CCDC12: variants seen among roughly 807,000 people sequenced by gnomAD.
The protein encoded by CCDC12 is coiled-coil domain-containing protein 12.
CCDC12 carries 28 observed loss-of-function variants against 25.7 expected under a neutral mutation model. The ratio of observed to expected loss-of-function variants is 1.09; its 90% confidence interval spans 0.81 to 1.50. The LOEUF (loss-of-function observed/expected upper bound fraction) is 1.50, where lower values mean the gene tolerates loss of function less well. CCDC12 is among the 40% of genes most tolerant of loss of function. The pLI is 0.00. For missense variants in CCDC12, 198 were observed against 210.0 expected (o/e 0.94, Z 0.35); for synonymous variants, 75 against 87.7 (o/e 0.86, Z 0.81).
At chr3:46,940,905 C>A (rs2033673727) in intron 2 of CCDC12, 93 bp downstream of exon 2, 42 of 1,201,756 alleles carry the variant, frequency 3.5e-5, no homozygotes, top group Non-Finnish European at 5.1e-5. Flanking sequence ...GGGAACAGGG[C>A]AGACACTGAA....
intron 2 of CCDC12, among the ~76,000 whole-genome samples, chr3:46,934,569 T>C (rs2033366033): frequency 6.6e-6 from 1 of 152,120 alleles, no homozygotes; most frequent in East Asian, 1.9e-4. Context: ...ATACAAGATA[T>C]CAAGACTTAA....
chr3:46,966,900 T>G (rs1003460369), intron 1 of CCDC12, among the ~76,000 whole-genome samples: 8 of 151,962 alleles, frequency 5.3e-5, no homozygotes, highest in African/African-American at 1.9e-4. Flanking sequence ...CTGGCTTCTC[T>G]CAGCCCCACT....
chr3:46,980,937 A>T (rs1285379738), upstream of CCDC12, among the ~76,000 whole-genome samples: 1 of 152,174 alleles, frequency 6.6e-6, no homozygotes, highest in Non-Finnish European at 1.5e-5. Flanking sequence ...AGTGGGGGGA[A>T]TTCATGCTCA....
intron 2 of CCDC12, among the ~76,000 whole-genome samples, chr3:46,936,936 G>C (rs555568138): frequency 6.6e-6 from 1 of 152,176 alleles, no homozygotes; most frequent in African/African-American, 2.4e-5. Context: ...CGTGTGGGAT[G>C]GAATGACTCA....
intron 1 of CCDC12, among the ~76,000 whole-genome samples, chr3:46,962,434 CAA>C (rs33969115): frequency 4.7e-5 from 3 of 63,180 alleles, no homozygotes; most frequent in African/African-American, 1.3e-4. Flanking sequence ...AACTCTATCT[CAA>C]AAAAAAAAAA....
chr3:46,938,518 G>GTTTTT (rs66474878), intron 2 of CCDC12, among the ~76,000 whole-genome samples: 80 of 91,416 alleles, frequency 8.8e-4, no homozygotes, highest in East Asian at 2.2e-3. Flanking sequence ...TTCCCCTCCT[G>GTTTTT]TTTTTTTTTT....
At chr3:46,972,621 G>A (rs2034837453) in intron 1 of CCDC12, among the ~76,000 whole-genome samples, 1 of 151,876 alleles carries the variant, frequency 6.6e-6, no homozygotes, top group Non-Finnish European at 1.5e-5. Flanking sequence ...CCATTAGGAA[G>A]GTTATAATTA....
chr3:46,932,104 G>A (rs904748085), intron 2 of CCDC12, among the ~76,000 whole-genome samples: 44 of 152,290 alleles, frequency 2.9e-4, no homozygotes, highest in Non-Finnish European at 5.7e-4. Context: ...TCTAGAGGCT[G>A]ATCTGGTCTT....
chr3:46,978,118 C>T (rs1377134924), upstream of CCDC12, among the ~76,000 whole-genome samples: 1 of 152,188 alleles, frequency 6.6e-6, no homozygotes, highest in Non-Finnish European at 1.5e-5. Flanking sequence ...ATCCACTCTT[C>T]CCCTTCCAAC....
rs758416981 is a variant in CCDC12 at position 46,976,656 on chromosome 3, C to G, written c.77G>C (p.Arg26Pro). ...LRRKERLKAL[R>P]EKTGRKDKED... The stretch of plus-strand genomic sequence containing the variant: ...TCTCACCTTGCGCCCGGTTTTCTCC[C>G]GTAGGGCCTTCAGCCGTTCCTTTCG... Residue 26 changes from arginine to proline, a missense_variant, in exon 1 of 7, where the codon CGG becomes CCG. Arg to Pro is a moderately radical substitution (Grantham distance 103). Transcript: ENST00000683445. 1.2e-5 allele frequency: 19 copies of G among 1,611,086 alleles called. No individual in the cohort carries two copies. Among genetic ancestry groups the G allele is most frequent in the South Asian group, 5.5e-5 (5 of 90,434 alleles).
intron 1 of CCDC12, among the ~76,000 whole-genome samples, chr3:46,969,128 G>C (rs2034724281): frequency 6.6e-6 from 1 of 152,184 alleles, no homozygotes; most frequent in South Asian, 2.1e-4. Context: ...TCCTCACCCA[G>C]CATACTAGGC....
In CCDC12 at chr3:46,930,031, CAAAAAAAAAAAAAAAAA is replaced by C. The variant is rs145507739; in HGVS notation, c.165-4513_165-4497del. On this transcript the variant is annotated intron_variant, in intron 2 of 6. Coordinates refer to ENST00000683445, the MANE Select transcript of CCDC12 (RefSeq NM_001277074.2). ...GGGCGAGAACAGCAAGACCCCATCTCAAAAAAAAAAAAAAAAAAAAAAAAAAGAGATGGGGGTCTCCC... is the reference window on the plus strand; with the variant it reads ...GGGCGAGAACAGCAAGACCCCATCTCAAAAAAAAAGAGATGGGGGTCTCCC... 9.0e-4 allele frequency among the ~76,000 whole-genome samples: 36 copies of C among 39,902 alleles called. No homozygotes were observed. The East Asian group carries it at 0.034, about 38-fold the overall frequency. 26.2% of individuals were successfully genotyped at this position (39,902 alleles called of 152,430 possible).
chr3:46,952,613 C>T (rs1364276063), intron 1 of CCDC12, among the ~76,000 whole-genome samples: 1 of 152,216 alleles, frequency 6.6e-6, no homozygotes, highest in East Asian at 1.9e-4. Flanking sequence ...GGAAGATTTT[C>T]CATTAGAAGG....
chr3:46,925,673 A>G (rs1229110048), intron 2 of CCDC12, 138 bp from the exon 3 acceptor site: 1 of 765,752 alleles, frequency 1.3e-6, no homozygotes, highest in Non-Finnish European at 2.1e-6. Context: ...AAGGAGGAGA[A>G]GCACAGAATG....
intron 3 of CCDC12, chr3:46,925,232 G>A (rs1250025044): frequency 4.3e-6 from 3 of 692,294 alleles, no homozygotes; most frequent in Non-Finnish European, 7.9e-6. Flanking sequence ...CAGGGTGTGA[G>A]CAGGACTGAG....
intron 2 of CCDC12, among the ~76,000 whole-genome samples, chr3:46,929,418 C>T (rs575647100): frequency 1.2e-4 from 19 of 152,310 alleles, no homozygotes; most frequent in African/African-American, 4.6e-4. Flanking sequence ...TTACAGTGTC[C>T]GGGGCCACCA....
upstream of CCDC12, among the ~76,000 whole-genome samples, chr3:46,977,851 A>G (rs1316021284): frequency 6.6e-6 from 1 of 152,232 alleles, no homozygotes. Context: ...AAGTCGCCAC[A>G]AGATTCATGG....
At chr3:46,976,566 C>T in intron 1 of CCDC12, 71 bp downstream of exon 1, 1 of 1,547,650 alleles carries the variant, frequency 6.5e-7, no homozygotes, top group South Asian at 1.2e-5. Flanking sequence ...TAGCCCTTTG[C>T]TCTCCTCAAG....
intron 1 of CCDC12, among the ~76,000 whole-genome samples, chr3:46,973,530 G>A (rs1217896655): frequency 6.7e-6 from 1 of 149,570 alleles, no homozygotes; most frequent in Non-Finnish European, 1.5e-5. Context: ...ATATGATCCA[G>A]TAATTCCACT....
Sources: allele counts gnomAD v4.1 joint callset (sites outside exome capture counted in the v4.1 genomes callset), GRCh38; gene constraint gnomAD v4.1.1; transcripts MANE v1.5; gene names NCBI Gene and HGNC (gene_info 2026-07-23, HGNC 2026-07-21).